The following VAV3 variants were observed in gnomAD, a reference collection of about 807,000 sequenced individuals.
VAV3 encodes the protein guanine nucleotide exchange factor VAV3.
Under a neutral mutation model 131.2 loss-of-function variants are expected in VAV3, and 94 were observed. The observed-to-expected ratio is 0.72, with a 90% CI of 0.61 to 0.85. The LOEUF (loss-of-function observed/expected upper bound fraction) is 0.85, where lower values mean the gene tolerates loss of function less well. Among genes scored for constraint, VAV3 ranks in the 40% least tolerant of loss-of-function variants. The probability of loss-of-function intolerance (pLI) is 0.00; values close to 1 mark genes in which losing one functional copy is unlikely to be tolerated. For missense variants in VAV3, 939 were observed against 1,002.7 expected (o/e 0.94, Z 0.86); for synonymous variants, 349 against 342.0 (o/e 1.02, Z -0.22).
intron 2 of VAV3, among the ~76,000 whole-genome samples, chr1:107,791,853 C>T (rs1215363559): frequency 2.0e-5 from 3 of 152,110 alleles, no homozygotes. Context: ...TATAATCTCA[C>T]AAAACCCATG....
At chr1:107,839,597 C>G (rs1668607870) in intron 2 of VAV3, among the ~76,000 whole-genome samples, 1 of 151,900 alleles carries the variant, frequency 6.6e-6, no homozygotes, top group Non-Finnish European at 1.5e-5. Context: ...AATTAATAAT[C>G]TAAAGCTTCC....
intron 25 of VAV3, among the ~76,000 whole-genome samples, chr1:107,595,024 ATTGT>A (rs1415984298): frequency 1.3e-5 from 2 of 152,134 alleles, no homozygotes; most frequent in Admixed American, 1.3e-4. Context: ...TGGTAGGAAA[ATTGT>A]TTTTTTGGAG....
chr1:107,674,734 C>T (rs972564829), intron 19 of VAV3, among the ~76,000 whole-genome samples: 1 of 152,212 alleles, frequency 6.6e-6, no homozygotes, highest in African/African-American at 2.4e-5. Flanking sequence ...CCTCCTGGTA[C>T]TGACATACTT....
At chr1:107,784,232 T>C (rs1028628300) in intron 2 of VAV3, among the ~76,000 whole-genome samples, 2 of 152,154 alleles carry the variant, frequency 1.3e-5, no homozygotes, top group Non-Finnish European at 2.9e-5. Context: ...TTCCTTTGCT[T>C]TATTAAGTAA....
At chr1:107,658,066 ATC>A (rs1296385748) in intron 19 of VAV3, among the ~76,000 whole-genome samples, 3 of 152,214 alleles carry the variant, frequency 2.0e-5, no homozygotes, top group Admixed American at 6.5e-5. Flanking sequence ...ATACTTCAAT[ATC>A]TCTTTCTAAT....
chr1:107,650,270 G>C (rs1656057854), intron 19 of VAV3, among the ~76,000 whole-genome samples: 1 of 151,990 alleles, frequency 6.6e-6, no homozygotes, highest in Non-Finnish European at 1.5e-5. Context: ...TGAATTACTT[G>C]AAATTTATTG....
chr1:107,718,021 T>G lies in VAV3; in HGVS notation c.1503-12960A>C, dbSNP rs915289481. ...CCTTCTTTGTCTCTTTTGGTCTGTG[T>G]TGGTTGAAAGTCTGTTTCATTGATG... On this transcript the variant is annotated intron_variant, in intron 15 of 26. Coordinates refer to ENST00000370056, the MANE Select transcript of VAV3 (RefSeq NM_006113.5). Among the ~76,000 whole-genome samples, 4 of 152,258 alleles carry G rather than the reference T, an allele frequency of 2.6e-5. No homozygotes were observed. The East Asian group carries it at 7.7e-4, about 29-fold the overall frequency.
intron 18 of VAV3, among the ~76,000 whole-genome samples, chr1:107,684,409 T>A (rs1229127877): frequency 6.6e-6 from 1 of 152,214 alleles, no homozygotes; most frequent in African/African-American, 2.4e-5. Context: ...GTGTGAAGAC[T>A]TGGTTTCATT....
intron 17 of VAV3, among the ~76,000 whole-genome samples, chr1:107,702,031 C>T (rs369403747): frequency 6.6e-6 from 1 of 152,300 alleles, no homozygotes; most frequent in African/African-American, 2.4e-5. Flanking sequence ...CAGTGCCCCC[C>T]ACTCTGGGTA....
chr1:107,902,783 TAAAA>T (rs909176416), intron 1 of VAV3, among the ~76,000 whole-genome samples: 3 of 151,026 alleles, frequency 2.0e-5, no homozygotes, highest in Admixed American at 6.6e-5. Context: ...ATTAAAGAAT[TAAAA>T]AAAAAGCTTA....
intron 12 of VAV3, among the ~76,000 whole-genome samples, chr1:107,753,090 T>C (rs1366118923): frequency 1.3e-5 from 2 of 152,064 alleles, no homozygotes; most frequent in Non-Finnish European, 2.9e-5. Context: ...GGTATTTATA[T>C]AAAATGATGT....
chr1:107,722,840 C>CTCTTTTT (rs371987024), intron 15 of VAV3, among the ~76,000 whole-genome samples: 28 of 129,792 alleles, frequency 2.2e-4, no homozygotes, highest in South Asian at 4.7e-4. Context: ...ATTATCCTCT[C>CTCTTTTT]TTTTTTTTTT....
At chr1:107,862,077 T>C (rs536794489) in intron 2 of VAV3, among the ~76,000 whole-genome samples, 87 of 151,754 alleles carry the variant, frequency 5.7e-4, no homozygotes, top group African/African-American at 2.0e-3. Flanking sequence ...ATAATTGGCA[T>C]TGAGGCAAAC....
chr1:107,627,828 T>C (rs1409517691), intron 20 of VAV3, among the ~76,000 whole-genome samples: 1 of 152,158 alleles, frequency 6.6e-6, no homozygotes, highest in Non-Finnish European at 1.5e-5. Context: ...AAAGTATAAT[T>C]TAATAAACAA....
chr1:107,928,715 GA>G lies in VAV3; in HGVS notation c.204+35950del, dbSNP rs541796382. Among the ~76,000 whole-genome samples the G allele has an allele frequency of 1.5e-4, 23 of 151,242 alleles. No individual in the cohort carries two copies. In the South Asian group the frequency reaches 1.7e-3, roughly 11 times the overall value. On this transcript the variant is annotated intron_variant, in intron 1 of 26. Coordinates refer to ENST00000370056, the MANE Select transcript of VAV3 (RefSeq NM_006113.5). ...AAATACACAGTCAGAGGAGGCAAAA[GA>G]AAAAAAAGAATAAACAACAATGAAG...
intron 2 of VAV3, among the ~76,000 whole-genome samples, chr1:107,872,308 A>G (rs530828387): frequency 2.0e-5 from 3 of 152,330 alleles, no homozygotes; most frequent in Admixed American, 2.0e-4. Flanking sequence ...AAGGCTATAA[A>G]AACACTAGGT....
rs754795284 is a variant in VAV3, at chr1:107,749,597, G to A, written c.1260-3C>T. On this transcript the variant is annotated splice_polypyrimidine_tract_variant and splice_region_variant and intron_variant, in intron 13 of 26. Transcript: ENST00000370056. The stretch of plus-strand genomic sequence containing the variant: ...CCAAATCAAATAAGAAGATATGCCT[G>A]GGAAAAAGAGATTGATTGATTGATT... 3.1e-6 allele frequency: 5 copies of A among 1,606,988 alleles called. No individual in the cohort carries two copies. Among genetic ancestry groups the A allele is most frequent in the Admixed American group, 1.7e-5 (1 of 58,838 alleles).
intron 15 of VAV3, among the ~76,000 whole-genome samples, chr1:107,735,798 C>A (rs1662583977): frequency 6.6e-6 from 1 of 152,160 alleles, no homozygotes; most frequent in African/African-American, 2.4e-5. Context: ...TGGTACATTC[C>A]TTCTGAAACT....
At chr1:107,964,436 A>G (rs1675312712) in intron 1 of VAV3, 1 of 474,820 alleles carries the variant, frequency 2.1e-6, no homozygotes, top group South Asian at 3.2e-5. Context: ...CCTTTACGAA[A>G]TCCTCACACC....
Sources: allele counts gnomAD v4.1 joint callset (sites outside exome capture counted in the v4.1 genomes callset), GRCh38; gene constraint gnomAD v4.1.1; transcripts MANE v1.5; gene names NCBI Gene and HGNC (gene_info 2026-07-23, HGNC 2026-07-21).